The following SMOC2 variants were observed in gnomAD, a reference collection of about 807,000 sequenced individuals.
SMOC2 encodes SPARC-related modular calcium-binding protein 2.
In SMOC2, 39 loss-of-function variants were observed where a neutral mutation model predicts 61.4. That is an observed-to-expected ratio of 0.64 (90% CI 0.49 to 0.83). SMOC2 has a LOEUF of 0.83. Among genes scored for constraint, SMOC2 ranks in the 40% least tolerant of loss-of-function variants. SMOC2 has a pLI of 0.00. For missense variants in SMOC2, 556 were observed against 592.9 expected (o/e 0.94, Z 0.65); for synonymous variants, 247 against 239.9 (o/e 1.03, Z -0.27).
At chr6:168,454,798 C>T (rs1781545447) in intron 1 of SMOC2, among the ~76,000 whole-genome samples, 1 of 152,252 alleles carries the variant, frequency 6.6e-6, no homozygotes, top group African/African-American at 2.4e-5. Context: ...CCTGAAGCTA[C>T]ACCTGTACTG....
At chr6:168,539,666 C>G (rs1467581623) in intron 4 of SMOC2, among the ~76,000 whole-genome samples, 1 of 152,232 alleles carries the variant, frequency 6.6e-6, no homozygotes. Context: ...GTGGGGCTTG[C>G]AGGGGGGCAC....
In SMOC2 at chr6:168,592,576, G is replaced by A. The variant is rs1240976111; in HGVS notation, c.638-6242G>A. On this transcript the variant is annotated intron_variant, in intron 7 of 12. Coordinates refer to ENST00000356284, the MANE Select transcript of SMOC2 (RefSeq NM_001166412.2). ...CTCCTCCTCCTTCCTGAGGCCTCAC[G>A]AGGGGCATCTTTCTAGAGGATCGCG... Among the ~76,000 whole-genome samples the A allele has an allele frequency of 4.4e-5, 3 of 68,950 alleles. 1 individual carries two copies. The highest frequency in any genetic ancestry group is 1.2e-3 in the South Asian group (2 of 1,660). 45.2% of individuals were successfully genotyped at this position (68,950 alleles called of 152,430 possible). A position where few individuals can be genotyped will look rare whatever the true frequency, so the allele number is the denominator to read the frequency against.
intron 12 of SMOC2, among the ~76,000 whole-genome samples, chr6:168,665,430 G>A (rs1002132708): frequency 5.3e-5 from 8 of 152,242 alleles, no homozygotes; most frequent in Admixed American, 3.3e-4. Context: ...ATGTTGCTTT[G>A]AAACATCTCA....
At chr6:168,469,608 C>G (rs540095322) in intron 1 of SMOC2, among the ~76,000 whole-genome samples, 1 of 152,204 alleles carries the variant, frequency 6.6e-6, no homozygotes, top group Admixed American at 6.5e-5. Context: ...CAGGCTTGTA[C>G]GGAAAGCCAA....
intron 9 of SMOC2, among the ~76,000 whole-genome samples, chr6:168,621,789 C>A (rs988969695): frequency 2.6e-5 from 4 of 152,170 alleles, no homozygotes; most frequent in Non-Finnish European, 1.5e-5. Context: ...CCAGTCACCT[C>A]CACCTGGTCC....
Position 168,558,347 on chromosome 6 carries a change from A to G in SMOC2, c.637+9144A>G, listed in dbSNP as rs548371614. On this transcript the variant is annotated intron_variant, in intron 7 of 12. Coordinates refer to ENST00000356284, the MANE Select transcript of SMOC2 (RefSeq NM_001166412.2). The stretch of plus-strand genomic sequence containing the variant: ...CTGCCCTAGGAACCATCTTTTCTGC[A>G]CAAGGGAACACAGTGGCTGGAGAGA... 6.6e-5 allele frequency among the ~76,000 whole-genome samples: 10 copies of G among 152,304 alleles called. No homozygotes were observed. In the South Asian group the frequency reaches 8.3e-4, roughly 13 times the overall value.
chr6:168,501,328 G>A lies in SMOC2; in HGVS notation c.85-8587G>A, dbSNP rs552509509. ...TTAACATGGATGTGGAGACAGGGAA[G>A]GAAAATAAACACAAAATAAATGTTT... On this transcript the variant is annotated intron_variant, in intron 1 of 12. Coordinates refer to ENST00000356284, the MANE Select transcript of SMOC2 (RefSeq NM_001166412.2). Among the ~76,000 whole-genome samples the A allele has an allele frequency of 7.2e-5, 11 of 152,254 alleles. No homozygotes were observed. In the East Asian group the frequency reaches 1.9e-3, roughly 27 times the overall value.
intron 1 of SMOC2, among the ~76,000 whole-genome samples, chr6:168,488,805 T>A (rs1296167750): frequency 6.6e-6 from 1 of 151,790 alleles, no homozygotes; most frequent in East Asian, 1.9e-4. Context: ...GATCACACTG[T>A]TTTAGAGGGA....
chr6:168,622,689 C>T (rs1182884826), intron 9 of SMOC2, among the ~76,000 whole-genome samples: 1 of 152,140 alleles, frequency 6.6e-6, no homozygotes, highest in Non-Finnish European at 1.5e-5. Context: ...ACTGCTATTT[C>T]CAAGCCCTTT....
intron 7 of SMOC2, among the ~76,000 whole-genome samples, chr6:168,573,985 G>T (rs1784734142): frequency 6.6e-6 from 1 of 152,248 alleles, no homozygotes; most frequent in South Asian, 2.1e-4. Context: ...CTTCTCTGGA[G>T]GGGGAGGGAT....
intron 7 of SMOC2, among the ~76,000 whole-genome samples, chr6:168,571,192 C>A (rs1784657595): frequency 6.6e-6 from 1 of 152,156 alleles, no homozygotes; most frequent in African/African-American, 2.4e-5. Context: ...TTGAATACAT[C>A]TTTTTGTTTA....
chr6:168,518,323 ATG>A (rs543467463), intron 2 of SMOC2, among the ~76,000 whole-genome samples: 29 of 151,968 alleles, frequency 1.9e-4, no homozygotes, highest in South Asian at 1.2e-3. Flanking sequence ...TTTCTGTTGC[ATG>A]TGTGTATGCC....
intron 9 of SMOC2, among the ~76,000 whole-genome samples, chr6:168,615,605 G>C (rs1786062411): frequency 2.0e-5 from 1 of 49,078 alleles, no homozygotes; most frequent in African/African-American, 8.0e-5. Flanking sequence ...CCAGCACAGG[G>C]GGCCTCTTCA....
At chr6:168,615,079 G>A (rs1251288388) in intron 9 of SMOC2, among the ~76,000 whole-genome samples, 29 of 54,932 alleles carry the variant, frequency 5.3e-4, no homozygotes, top group South Asian at 7.5e-4. Flanking sequence ...ACTTACAGCC[G>A]GCACAGGGCC....
At chr6:168,467,924 A>G (rs1459419788) in intron 1 of SMOC2, among the ~76,000 whole-genome samples, 3 of 152,222 alleles carry the variant, frequency 2.0e-5, no homozygotes, top group Non-Finnish European at 4.4e-5. Context: ...AGGATTTACA[A>G]TATATGTACA....
At chr6:168,639,074 T>G (rs1321009132) in intron 9 of SMOC2, among the ~76,000 whole-genome samples, 1 of 152,194 alleles carries the variant, frequency 6.6e-6, no homozygotes, top group Non-Finnish European at 1.5e-5. Flanking sequence ...TCCACAGGCT[T>G]GGTTCCGACA....
chr6:168,532,949 G>A (rs945154581), intron 4 of SMOC2, among the ~76,000 whole-genome samples: 1 of 152,150 alleles, frequency 6.6e-6, no homozygotes, highest in African/African-American at 2.4e-5. Flanking sequence ...CATTGCATGG[G>A]GAAGAAGACA....
chr6:168,547,106 G>C lies in SMOC2; in HGVS notation c.512-13G>C. On this transcript the variant is annotated splice_polypyrimidine_tract_variant and intron_variant, in intron 5 of 12. Coordinates refer to ENST00000356284, the MANE Select transcript of SMOC2 (RefSeq NM_001166412.2). ...TGTAGTCTCCTTGCAAATCTTTTCC[G>C]TTCTGAATTCAGATGATGCCGCAGC... 6.2e-7 allele frequency: 1 copy of C among 1,613,964 alleles called. No individual in the cohort carries two copies. The highest frequency in any genetic ancestry group is 8.5e-7 in the Non-Finnish European group (1 of 1,179,988).
chr6:168,512,925 T>C (rs557162874), intron 2 of SMOC2, among the ~76,000 whole-genome samples: 2 of 152,232 alleles, frequency 1.3e-5, no homozygotes, highest in African/African-American at 2.4e-5. Flanking sequence ...ACTTGGAAAA[T>C]GTGTGGAAGT....
Sources: gnomAD v4.1 joint callset for allele counts (sites outside exome capture counted in the v4.1 genomes callset) on GRCh38, gnomAD v4.1.1 for gene constraint, MANE v1.5 for transcripts, NCBI Gene and HGNC (gene_info 2026-07-23, HGNC 2026-07-21) for gene names.